BTRC: variants seen among roughly 807,000 people sequenced by gnomAD.
The protein encoded by BTRC is beta-transducin repeat containing E3 ubiquitin protein ligase.
A neutral mutation model predicts 85.5 loss-of-function variants in BTRC; 42 were observed. That is an observed-to-expected ratio of 0.49 (90% CI 0.38 to 0.64). BTRC has a LOEUF of 0.64. Ranked by LOEUF, BTRC falls within the 30% of genes least tolerant of loss-of-function variation. The pLI is 0.00. For missense variants in BTRC, 594 were observed against 743.5 expected (o/e 0.80, Z 2.34); for synonymous variants, 255 against 263.3 (o/e 0.97, Z 0.30).
intron 4 of BTRC, among the ~76,000 whole-genome samples, chr10:101,516,648 T>C (rs543173951): frequency 2.8e-4 from 42 of 152,354 alleles, no homozygotes; most frequent in African/African-American, 9.4e-4. Flanking sequence ...GACTTGATCA[T>C]TGAAAGTATC....
chr10:101,516,310 T>C (rs2062023252), intron 4 of BTRC, among the ~76,000 whole-genome samples: 1 of 152,164 alleles, frequency 6.6e-6, no homozygotes, highest in African/African-American at 2.4e-5. Context: ...TTTCCCAGTT[T>C]TATAGATGAG....
chr10:101,398,985 C>G (rs895116277), intron 1 of BTRC, among the ~76,000 whole-genome samples: 11 of 152,170 alleles, frequency 7.2e-5, no homozygotes, highest in African/African-American at 2.2e-4. Context: ...TAGAGTCTCA[C>G]TCTGTTGCCC....
chr10:101,403,601 C>T (rs1943541243), intron 1 of BTRC, among the ~76,000 whole-genome samples: 1 of 151,810 alleles, frequency 6.6e-6, no homozygotes, highest in Non-Finnish European at 1.5e-5. Flanking sequence ...TTTTTTACTT[C>T]CCCACTTTGA....
At chr10:101,509,338 T>C (rs1296161159) in intron 4 of BTRC, among the ~76,000 whole-genome samples, 2 of 129,828 alleles carry the variant, frequency 1.5e-5, no homozygotes, top group African/African-American at 5.9e-5. Context: ...CACTGCAAGC[T>C]CCGCCTCCCG....
intron 2 of BTRC, among the ~76,000 whole-genome samples, chr10:101,442,607 A>G (rs1055240733): frequency 3.9e-5 from 6 of 152,212 alleles, no homozygotes; most frequent in African/African-American, 7.2e-5. Context: ...CAAATATTCA[A>G]CTGAATTAAA....
chr10:101,499,701 T>TA (rs1368007348), intron 4 of BTRC, among the ~76,000 whole-genome samples: 123 of 151,646 alleles, frequency 8.1e-4, no homozygotes, highest in East Asian at 9.6e-4. Flanking sequence ...TCTATTCTGA[T>TA]ATCAGCCCAC....
chr10:101,458,529 T>G (rs777374508), intron 2 of BTRC, among the ~76,000 whole-genome samples: 4 of 152,196 alleles, frequency 2.6e-5, no homozygotes, highest in Non-Finnish European at 5.9e-5. Flanking sequence ...ATCAGGAAAT[T>G]AATATTGATA....
At chr10:101,423,754 C>T (rs2134061204) in intron 1 of BTRC, among the ~76,000 whole-genome samples, 1 of 152,292 alleles carries the variant, frequency 6.6e-6, no homozygotes, top group South Asian at 2.1e-4. Context: ...CAATGCCTGG[C>T]AGACAGTTTA....
chr10:101,381,864 A>G (rs1942937172), intron 1 of BTRC, among the ~76,000 whole-genome samples: 1 of 151,642 alleles, frequency 6.6e-6, no homozygotes, highest in South Asian at 2.1e-4. Flanking sequence ...TAACCTCAAT[A>G]CAAGATCCCA....
intron 2 of BTRC, among the ~76,000 whole-genome samples, chr10:101,438,208 C>G (rs572279644): frequency 6.6e-6 from 1 of 152,096 alleles, no homozygotes; most frequent in South Asian, 2.1e-4. Flanking sequence ...GGGCAGATCA[C>G]AAAGTCAGGA....
At chr10:101,395,308 G>A (rs1162844924) in intron 1 of BTRC, among the ~76,000 whole-genome samples, 2 of 152,158 alleles carry the variant, frequency 1.3e-5, no homozygotes, top group Admixed American at 1.3e-4. Flanking sequence ...GCTAGGATAG[G>A]AAATTATTTT....
chr10:101,467,314 T>C (rs1305688884), intron 3 of BTRC, among the ~76,000 whole-genome samples: 1 of 149,676 alleles, frequency 6.7e-6, no homozygotes, highest in African/African-American at 2.4e-5. Context: ...AAGTCCCTGA[T>C]ATCAGGCAGG....
Position 101,409,468 on chromosome 10 carries a change from A to G in BTRC, c.49-20877A>G, listed in dbSNP as rs374966585. 2.6e-5 allele frequency among the ~76,000 whole-genome samples: 4 copies of G among 152,340 alleles called. No homozygotes were observed. The East Asian group carries it at 5.8e-4, about 22-fold the overall frequency. On this transcript the variant is annotated intron_variant, in intron 1 of 14. Coordinates refer to ENST00000370187, the MANE Select transcript of BTRC (RefSeq NM_033637.4). ...CAGTCATGTGTCACTTGATGGGGAT[A>G]CATTCTGAGAAATGTGCCATTAGGT...
chr10:101,458,889 C>G (rs1945148323), intron 2 of BTRC, among the ~76,000 whole-genome samples: 1 of 152,146 alleles, frequency 6.6e-6, no homozygotes, highest in Non-Finnish European at 1.5e-5. Flanking sequence ...TATCAAGTAT[C>G]TTATAGAAAA....
rs1469548180 is a variant in BTRC at position 101,454,917 on chromosome 10, G to A, written c.157-7064G>A. Among the ~76,000 whole-genome samples, 3 of 152,058 alleles carry A rather than the reference G, an allele frequency of 2.0e-5. 1 individual carries two copies. Among genetic ancestry groups the A allele is most frequent in the African/African-American group, 7.2e-5 (3 of 41,386 alleles). ...TTGGTGTAATATAGTAGGGAATTCT[G>A]GATGGTCCTGAAAACCAGGCCTAGA... On this transcript the variant is annotated intron_variant, in intron 2 of 14. Coordinates refer to ENST00000370187, the MANE Select transcript of BTRC (RefSeq NM_033637.4).
At position 101,506,867 on chromosome 10, in the gene BTRC, T is replaced by C. The variant is rs533058315; in HGVS notation, c.325-14772T>C. On this transcript the variant is annotated intron_variant, in intron 4 of 14. Coordinates refer to ENST00000370187, the MANE Select transcript of BTRC (RefSeq NM_033637.4). ...AGCTGCAGGGGTTTTTGAAAAGAGA[T>C]CTAGGAATTCTGCAGTTAATTGAAT... is the stretch of plus-strand genomic sequence containing the variant. 5.3e-5 allele frequency among the ~76,000 whole-genome samples: 8 copies of C among 152,278 alleles called. No homozygotes were observed. The East Asian group carries it at 1.2e-3, about 22-fold the overall frequency.
chr10:101,536,594 G>A lies in BTRC; in HGVS notation c.1518G>A (p.Glu506=), dbSNP rs1194115215. ...GTTTACGAGTGTTAGAAGGCCATGA[G>A]GAATTGGTGCGTTGTATTCGATTTG... The part of the protein sequence containing the change: ...GACLRVLEGH[E]ELVRCIRFDN... Residue 506 remains glutamate (E), a synonymous_variant, in exon 12 of 15, where the codon GAG becomes GAA. Transcript: ENST00000370187. The A allele has an allele frequency of 6.2e-7, 1 of 1,613,982 alleles. No individual in the cohort carries two copies. Among genetic ancestry groups the A allele is most frequent in the Non-Finnish European group, 8.5e-7 (1 of 1,179,880 alleles).
chr10:101,359,848 C>T (rs894059405), intron 1 of BTRC, among the ~76,000 whole-genome samples: 1 of 152,134 alleles, frequency 6.6e-6, no homozygotes, highest in Non-Finnish European at 1.5e-5. Context: ...GATCTGCCCG[C>T]CTTGGCCTCC....
chr10:101,448,225 A>C (rs1944876246), intron 2 of BTRC, among the ~76,000 whole-genome samples: 2 of 152,138 alleles, frequency 1.3e-5, no homozygotes, highest in South Asian at 4.1e-4. Context: ...AACTATTTGC[A>C]TTGCTATAGA....
Sources: allele counts gnomAD v4.1 joint callset (sites outside exome capture counted in the v4.1 genomes callset), GRCh38; gene constraint gnomAD v4.1.1; transcripts MANE v1.5; gene names NCBI Gene and HGNC (gene_info 2026-07-23, HGNC 2026-07-21).